GPC5: variants seen among roughly 807,000 people sequenced by gnomAD.
The protein encoded by GPC5 is glypican-5.
GPC5 carries 47 observed loss-of-function variants against 53.9 expected under a neutral mutation model. The observed-to-expected ratio is 0.87, with a 90% CI of 0.69 to 1.11. GPC5 has a LOEUF of 1.11. Among genes scored for constraint, GPC5 ranks in the 50% most tolerant of loss-of-function variants. GPC5 has a pLI of 0.00. For missense variants in GPC5, 748 were observed against 713.1 expected (o/e 1.05, Z -0.56); for synonymous variants, 286 against 263.3 (o/e 1.09, Z -0.84).
At chr13:92,665,317 A>G (rs1029875975) in intron 7 of GPC5, among the ~76,000 whole-genome samples, 5 of 152,178 alleles carry the variant, frequency 3.3e-5, no homozygotes, top group Non-Finnish European at 7.3e-5. Flanking sequence ...AATAAAAATA[A>G]AATCCTTATG....
At chr13:92,142,755 C>T (rs144807574) in intron 6 of GPC5, among the ~76,000 whole-genome samples, 4 of 151,832 alleles carry the variant, frequency 2.6e-5, no homozygotes, top group Non-Finnish European at 4.4e-5. Flanking sequence ...GTTCTTGCCA[C>T]GATCCCAGTA....
intron 4 of GPC5, among the ~76,000 whole-genome samples, chr13:91,737,168 G>C (rs1395556716): frequency 6.6e-6 from 1 of 151,286 alleles, no homozygotes; most frequent in Non-Finnish European, 1.5e-5. Flanking sequence ...AGATTTCCTG[G>C]AATCTCCTGT....
intron 4 of GPC5, among the ~76,000 whole-genome samples, chr13:91,731,733 C>T (rs948276217): frequency 6.6e-6 from 1 of 152,108 alleles, no homozygotes; most frequent in South Asian, 2.1e-4. Context: ...TCCCTATATA[C>T]ATGTGTTCTC....
intron 2 of GPC5, among the ~76,000 whole-genome samples, chr13:91,602,634 A>G (rs564700402): frequency 8.5e-5 from 13 of 152,310 alleles, no homozygotes; most frequent in African/African-American, 2.9e-4. Context: ...CAGATCACAA[A>G]AAGATTGACA....
chr13:92,371,021 T>C (rs1926602), intron 7 of GPC5, among the ~76,000 whole-genome samples: 97,845 of 151,636 alleles, frequency 0.65, 31,894 homozygotes, highest in East Asian at 0.86. Context: ...TGGTGTTAGG[T>C]GCCTGCAGTC....
At chr13:91,740,159 C>G (rs1257609900) in intron 4 of GPC5, among the ~76,000 whole-genome samples, 2 of 152,156 alleles carry the variant, frequency 1.3e-5, no homozygotes, top group Non-Finnish European at 2.9e-5. Context: ...TGCCTGCATA[C>G]TGATTACTGT....
intron 1 of GPC5, among the ~76,000 whole-genome samples, chr13:91,401,704 A>G (rs2075685740): frequency 6.6e-6 from 1 of 152,162 alleles, no homozygotes; most frequent in African/African-American, 2.4e-5. Context: ...GTTTCTTCCT[A>G]CCTTTGTGAC....
chr13:92,262,692 C>T (rs1377572511), intron 7 of GPC5, among the ~76,000 whole-genome samples: 1 of 152,066 alleles, frequency 6.6e-6, no homozygotes, highest in Admixed American at 6.6e-5. Context: ...TTGGGATTTC[C>T]GTATCCTATT....
intron 7 of GPC5, among the ~76,000 whole-genome samples, chr13:92,370,920 G>C (rs1326448668): frequency 6.6e-6 from 1 of 152,058 alleles, no homozygotes; most frequent in South Asian, 2.1e-4. Context: ...AGGCTGAGGC[G>C]GGCAGATCAC....
chr13:92,612,390 T>G (rs1884467674), intron 7 of GPC5, among the ~76,000 whole-genome samples: 1 of 152,090 alleles, frequency 6.6e-6, no homozygotes, highest in Non-Finnish European at 1.5e-5. Flanking sequence ...TGGAAAATGA[T>G]TCAAATCTTA....
Position 92,751,303 on chromosome 13 carries a change from TAAAAAAAAAAAAA to T in GPC5, c.1562-114959_1562-114947del, listed in dbSNP as rs71123435. Among the ~76,000 whole-genome samples, 24 of 38,780 alleles carry T rather than the reference TAAAAAAAAAAAAA, an allele frequency of 6.2e-4. 1 individual carries two copies. The highest frequency in any genetic ancestry group is 1.2e-3 in the African/African-American group (14 of 11,872). The allele number at this position is 38,780 out of a possible 152,430, so 25.4% of individuals were successfully genotyped here. ...AAACCTTTGGTCATCCAGAAACATT[TAAAAAAAAAAAAA>T]AAAAAAAAAAAAAAAAAAACCTTCC... On this transcript the variant is annotated intron_variant, in intron 7 of 7. Transcript: ENST00000377067.
At chr13:92,004,699 T>C (rs905201737) in intron 6 of GPC5, among the ~76,000 whole-genome samples, 4 of 151,702 alleles carry the variant, frequency 2.6e-5, no homozygotes, top group African/African-American at 9.7e-5. Flanking sequence ...CTCAGTTCCA[T>C]GTGGATGGGG....
At chr13:92,234,191 G>C (rs2042552514) in intron 7 of GPC5, among the ~76,000 whole-genome samples, 1 of 152,118 alleles carries the variant, frequency 6.6e-6, no homozygotes, top group South Asian at 2.1e-4. Context: ...AGATTGCTGG[G>C]ACAAATGGTG....
chr13:92,478,552 C>T (rs61973639), intron 7 of GPC5, among the ~76,000 whole-genome samples: 4,658 of 152,150 alleles, frequency 0.031, 107 homozygotes, highest in Middle Eastern at 0.11. Flanking sequence ...AACTTAATAT[C>T]GCAGTGGTAA....
At position 91,447,424 on chromosome 13, in the gene GPC5, T is replaced by A. The variant is rs1594102193; in HGVS notation, c.164-1337T>A. Among the ~76,000 whole-genome samples, 3 of 152,274 alleles carry A rather than the reference T, an allele frequency of 2.0e-5. No individual in the cohort carries two copies. The East Asian group carries it at 5.8e-4, about 29-fold the overall frequency. ...AAGTGAAAAACGATTGCCAAAATGT[T>A]ACCTACTGTGACACTTACGAATATT... On this transcript the variant is annotated intron_variant, in intron 1 of 7. Transcript: ENST00000377067.
chr13:91,714,789 G>A (rs2036300026), intron 3 of GPC5, among the ~76,000 whole-genome samples: 1 of 152,118 alleles, frequency 6.6e-6, no homozygotes, highest in Non-Finnish European at 1.5e-5. Context: ...GGACAGGTGA[G>A]GCCCCAACTG....
At chr13:91,697,242 A>G (rs934763466) in intron 3 of GPC5, among the ~76,000 whole-genome samples, 1 of 152,126 alleles carries the variant, frequency 6.6e-6, no homozygotes, top group Admixed American at 6.5e-5. Flanking sequence ...TCCCGGGTTC[A>G]AACGATTCTC....
intron 7 of GPC5, among the ~76,000 whole-genome samples, chr13:92,606,679 T>A (rs932556163): frequency 1.3e-5 from 2 of 152,192 alleles, no homozygotes; most frequent in African/African-American, 4.8e-5. Flanking sequence ...GGATCTGGTG[T>A]CCACATCCTA....
At chr13:91,512,832 G>A (rs1411349680) in intron 2 of GPC5, among the ~76,000 whole-genome samples, 1 of 152,072 alleles carries the variant, frequency 6.6e-6, no homozygotes, top group Non-Finnish European at 1.5e-5. Context: ...TACCATTAGG[G>A]TTTTTTGCAT....
Sources: gnomAD v4.1 joint callset for allele counts (sites outside exome capture counted in the v4.1 genomes callset) on GRCh38, gnomAD v4.1.1 for gene constraint, MANE v1.5 for transcripts, NCBI Gene and HGNC (gene_info 2026-07-23, HGNC 2026-07-21) for gene names.